LPAR6: variants seen among roughly 807,000 people sequenced by gnomAD.
LPAR6 encodes the protein G-protein coupled purinergic receptor P2Y5.
A neutral mutation model predicts 22.0 loss-of-function variants in LPAR6; 17 were observed. The ratio of observed to expected loss-of-function variants is 0.77; its 90% confidence interval spans 0.53 to 1.16. The LOEUF is 1.16. LPAR6 is among the 50% of genes most tolerant of loss of function. LPAR6 has a pLI of 0.00. For missense variants in LPAR6, 384 were observed against 406.9 expected (o/e 0.94, Z 0.48); for synonymous variants, 136 against 139.8 (o/e 0.97, Z 0.19).
chr13:48,405,109 T>A (rs1948728030), intron 1 of LPAR6, among the ~76,000 whole-genome samples: 1 of 151,940 alleles, frequency 6.6e-6, no homozygotes, highest in Non-Finnish European at 1.5e-5. Context: ...TAAGACCTAA[T>A]AAAAAAACTG....
chr13:48,402,875 A>G (rs1025074823), intron 1 of LPAR6, among the ~76,000 whole-genome samples: 3 of 152,216 alleles, frequency 2.0e-5, no homozygotes, highest in African/African-American at 7.2e-5. Flanking sequence ...AATTACCTAT[A>G]TGACATATAA....
At chr13:48,437,389 T>C (rs989655089) in intron 1 of LPAR6, among the ~76,000 whole-genome samples, 7 of 152,224 alleles carry the variant, frequency 4.6e-5, no homozygotes, top group Admixed American at 1.3e-4. Flanking sequence ...TTAAAAAAGA[T>C]CAATTGCTAT....
intron 2 of LPAR6, among the ~76,000 whole-genome samples, chr13:48,420,394 A>G (rs939085464): frequency 6.6e-6 from 1 of 152,206 alleles, no homozygotes; most frequent in African/African-American, 2.4e-5. Flanking sequence ...TCTCAAAATA[A>G]TAAGAGCTAT....
chr13:48,407,489 A>G (rs992973694), downstream of LPAR6, among the ~76,000 whole-genome samples: 1 of 152,190 alleles, frequency 6.6e-6, no homozygotes. Context: ...CATTCTTTGT[A>G]CTTTTATAAA....
Position 48,418,556 on chromosome 13 carries a change from C to T in LPAR6, c.-953-1236G>A, listed in dbSNP as rs116974760. 7.7e-4 allele frequency among the ~76,000 whole-genome samples: 117 copies of T among 152,078 alleles called. No homozygotes were observed. The East Asian group carries it at 0.014, about 18-fold the overall frequency. ...TAACAATATTAACCTTAAAAGTAAA[C>T]GGGCTAAGTGCCACAATTAAAAGAC... On this transcript the variant is annotated intron_variant, in intron 2 of 4. Transcript: ENST00000345941.
chr13:48,398,290 A>G (rs1204038893), intron 1 of LPAR6, among the ~76,000 whole-genome samples: 1 of 152,144 alleles, frequency 6.6e-6, no homozygotes, highest in Non-Finnish European at 1.5e-5. Flanking sequence ...CTCTGACCCA[A>G]TATATTCCTA....
intron 1 of LPAR6, among the ~76,000 whole-genome samples, chr13:48,424,880 C>T (rs112919227): frequency 0.051 from 7,706 of 152,014 alleles, 554 homozygotes; most frequent in African/African-American, 0.14. Context: ...TGGTGAAACT[C>T]TGTCTCTACT....
chr13:48,402,326 C>G (rs959512682), intron 1 of LPAR6, among the ~76,000 whole-genome samples: 9 of 146,768 alleles, frequency 6.1e-5, no homozygotes, highest in African/African-American at 2.2e-4. Flanking sequence ...CAATGAAGAA[C>G]AAATGGCCTG....
intron 1 of LPAR6, chr13:48,391,400 CT>C (rs1948609430): frequency 6.6e-6 from 1 of 152,066 alleles, no homozygotes; most frequent in Admixed American, 6.6e-5. Flanking sequence ...ACATATTTAC[CT>C]TTCCAGTACT....
chr13:48,417,961 G>A (rs1948941329), upstream of LPAR6, among the ~76,000 whole-genome samples: 2 of 152,112 alleles, frequency 1.3e-5, no homozygotes, highest in African/African-American at 4.8e-5. Flanking sequence ...CACTCTTCAG[G>A]ATATTATCCA....
chr13:48,399,260 T>C (rs2138177071), intron 1 of LPAR6, among the ~76,000 whole-genome samples: 1 of 152,122 alleles, frequency 6.6e-6, no homozygotes, highest in Non-Finnish European at 1.5e-5. Flanking sequence ...AGTAAAAGAT[T>C]CCAGGTATGC....
intron 1 of LPAR6, among the ~76,000 whole-genome samples, chr13:48,399,019 T>C (rs1948669943): frequency 6.6e-6 from 1 of 152,078 alleles, no homozygotes; most frequent in African/African-American, 2.4e-5. Context: ...CAAACTATAT[T>C]ATAAAAGTAA....
chr13:48,442,895 C>G (rs949692618), intron 1 of LPAR6, among the ~76,000 whole-genome samples: 1 of 151,956 alleles, frequency 6.6e-6, no homozygotes. Flanking sequence ...TAAAAAAATA[C>G]CCAACACCAC....
upstream of LPAR6, among the ~76,000 whole-genome samples, chr13:48,431,613 T>A (rs1361545799): frequency 1.3e-5 from 2 of 152,184 alleles, no homozygotes; most frequent in East Asian, 1.9e-4. Context: ...TGTTTTCACA[T>A]GTTTGGAAAA....
upstream of LPAR6, among the ~76,000 whole-genome samples, chr13:48,414,227 G>T (rs189325044): frequency 4.0e-3 from 600 of 151,848 alleles, 9 homozygotes; most frequent in Non-Finnish European, 2.6e-3. Flanking sequence ...CGTGCCTGTA[G>T]TCCCAGCTAC....
chr13:48,412,466 A>G lies in LPAR6; in HGVS notation c.-43T>C, dbSNP rs1369295268. On this transcript the variant is annotated 5_prime_UTR_variant, in exon 1 of 1. Transcript: ENST00000620633. The stretch of plus-strand genomic sequence containing the variant: ...TTTTCAGTTTGGAAGCACTTTCATC[A>G]GCTGCAGTCTCCTTTGGGATTCAGA... The G allele has an allele frequency of 1.6e-6, 2 of 1,272,650 alleles. No homozygotes were observed. The highest frequency in any genetic ancestry group is 2.3e-6 in the Non-Finnish European group (2 of 868,284). 78.8% of individuals were successfully genotyped at this position (1,272,650 alleles called of 1,614,324 possible). A position where few individuals can be genotyped will look rare whatever the true frequency, so the allele number is the denominator to read the frequency against.
At chr13:48,407,071 T>G (rs1206437489), downstream of LPAR6, among the ~76,000 whole-genome samples, 1 of 152,234 alleles carries the variant, frequency 6.6e-6, no homozygotes, top group African/African-American at 2.4e-5. Flanking sequence ...GAAGCCATTT[T>G]GATAGGACGA....
At chr13:48,434,793 C>T (rs1201249488) in intron 1 of LPAR6, among the ~76,000 whole-genome samples, 2 of 152,186 alleles carry the variant, frequency 1.3e-5, no homozygotes, top group Non-Finnish European at 2.9e-5. Flanking sequence ...CAAATTTTGT[C>T]ATTTCAAAAA....
At chr13:48,428,822 G>C (rs1949102126), upstream of LPAR6, among the ~76,000 whole-genome samples, 1 of 152,132 alleles carries the variant, frequency 6.6e-6, no homozygotes, top group Admixed American at 6.6e-5. Context: ...ATTAGAACAA[G>C]GGTTTTCTGT....
Sources: gnomAD v4.1 joint callset for allele counts (sites outside exome capture counted in the v4.1 genomes callset) on GRCh38, gnomAD v4.1.1 for gene constraint, MANE v1.5 for transcripts, NCBI Gene and HGNC (gene_info 2026-07-23, HGNC 2026-07-21) for gene names.